CCDC63: variants seen among roughly 807,000 people sequenced by gnomAD.
CCDC63 encodes coiled-coil domain containing 63, also known as coiled-coil domain-containing protein 63.
In CCDC63, 54 loss-of-function variants were observed where a neutral mutation model predicts 63.6. The observed-to-expected ratio is 0.85, with a 90% CI of 0.68 to 1.07. CCDC63 has a LOEUF of 1.07. CCDC63 is among the 50% of genes least tolerant of loss of function. CCDC63 has a pLI of 0.00. For synonymous variants in CCDC63, 253 were observed against 266.1 expected (o/e 0.95, Z 0.48); for missense variants, 637 against 689.6 (o/e 0.92, Z 0.86).
In CCDC63 at chr12:110,895,579, C is replaced by T. The variant is rs559713860; in HGVS notation, c.1149+2429C>T. On this transcript the variant is annotated intron_variant, in intron 9 of 11. Transcript: ENST00000308208. ...GGGAGGGTTTTGCATAGGAATTAAGCAACCAAGCTCTGGGAGCCTGGCTAT... is the reference window on the plus strand; with the variant it reads ...GGGAGGGTTTTGCATAGGAATTAAGTAACCAAGCTCTGGGAGCCTGGCTAT... Among the ~76,000 whole-genome samples, 46 of 152,318 alleles carry T rather than the reference C, an allele frequency of 3.0e-4. No homozygotes were observed. The South Asian group carries it at 8.5e-3, about 28-fold the overall frequency.
chr12:110,857,791 C>A (rs1349691493), intron 3 of CCDC63, among the ~76,000 whole-genome samples: 1 of 152,142 alleles, frequency 6.6e-6, no homozygotes, highest in African/African-American at 2.4e-5. Context: ...TATTATGCAT[C>A]CCTGTGTTGA....
At chr12:110,866,000 CAG>C (rs2070942236) in intron 4 of CCDC63, among the ~76,000 whole-genome samples, 1 of 152,096 alleles carries the variant, frequency 6.6e-6, no homozygotes, top group East Asian at 1.9e-4. Flanking sequence ...ATATGTGAGA[CAG>C]AGTCTCCCTC....
rs760711708 is a variant in CCDC63 at position 110,858,699 on chromosome 12, T to A, written c.293T>A (p.Leu98His). ...RSEKNYMELR[L>H]LLQTKEDYEA... ...GAGAAGAACTACATGGAGCTGCGAC[T>A]CCTGCTCCAAACTAAGGAGGACTAT... The change falls in exon 4 of 12, where the codon CTC becomes CAC. Residue 98 changes from leucine to histidine, a missense_variant. Leu to His is a moderately conservative substitution (Grantham distance 99). Coordinates refer to ENST00000308208, the MANE Select transcript of CCDC63 (RefSeq NM_152591.3). 6.2e-7 allele frequency: 1 copy of A among 1,614,014 alleles called. No individual in the cohort carries two copies. Among genetic ancestry groups the A allele is most frequent in the Non-Finnish European group, 8.5e-7 (1 of 1,179,918 alleles).
chr12:110,865,371 T>C (rs1181763704), intron 4 of CCDC63, among the ~76,000 whole-genome samples: 1 of 149,038 alleles, frequency 6.7e-6, no homozygotes, highest in African/African-American at 2.5e-5. Flanking sequence ...CAGGATGGAT[T>C]AAGCCTGGTG....
intron 8 of CCDC63, among the ~76,000 whole-genome samples, chr12:110,887,468 G>A (rs1478912920): frequency 6.6e-6 from 1 of 151,668 alleles, no homozygotes; most frequent in Admixed American, 6.6e-5. Context: ...AAATGTTTTT[G>A]TTTAATCCCA....
chr12:110,849,124 G>T (rs1462005019), intron 1 of CCDC63, among the ~76,000 whole-genome samples: 1 of 152,166 alleles, frequency 6.6e-6, no homozygotes, highest in African/African-American at 2.4e-5. Flanking sequence ...AAATCCAGAG[G>T]TTCCTACATT....
intron 4 of CCDC63, among the ~76,000 whole-genome samples, chr12:110,869,920 T>C (rs2071041622): frequency 6.6e-6 from 1 of 152,220 alleles, no homozygotes; most frequent in South Asian, 2.1e-4. Context: ...GCTTTTTATT[T>C]TGGCATACTT....
Position 110,883,700 on chromosome 12 carries a change from C to T in CCDC63, c.854-330C>T, listed in dbSNP as rs551658038. Among the ~76,000 whole-genome samples the T allele has an allele frequency of 5.9e-5, 9 of 151,964 alleles. No individual in the cohort carries two copies. In the South Asian group the frequency reaches 1.0e-3, roughly 18 times the overall value. ...CATCGCCCAGGCTGGAGTGCAGTGG[C>T]GCAAACTTGGCTCACTGCAACCTCT... is the stretch of plus-strand genomic sequence containing the variant. On this transcript the variant is annotated intron_variant, in intron 7 of 11. Transcript: ENST00000308208.
chr12:110,852,436 A>AT (rs2070715910), intron 1 of CCDC63, among the ~76,000 whole-genome samples: 1 of 151,864 alleles, frequency 6.6e-6, no homozygotes, highest in Admixed American at 6.6e-5. Flanking sequence ...ATTTTTTTGT[A>AT]TTTTTTGTAG....
chr12:110,866,897 G>A (rs2070958591), intron 4 of CCDC63, among the ~76,000 whole-genome samples: 1 of 149,410 alleles, frequency 6.7e-6, no homozygotes. Flanking sequence ...AGGGGCGGCC[G>A]GGCAGAGGCG....
intron 9 of CCDC63, among the ~76,000 whole-genome samples, chr12:110,898,567 G>A (rs1275970006): frequency 1.3e-5 from 2 of 149,276 alleles, no homozygotes. Context: ...GCAGTGAGCT[G>A]AGATCATGCC....
In CCDC63 at chr12:110,853,562, T is replaced by C; in HGVS notation, c.167T>C (p.Ile56Thr). ...TTTAAGTTCCGAAACCAGCAGAAGATTGCGAGTCAGTAGTAAGTGATGGTT... is the reference window on the plus strand; with the variant it reads ...TTTAAGTTCCGAAACCAGCAGAAGACTGCGAGTCAGTAGTAAGTGATGGTT... The part of the protein sequence containing the change: ...KSFKFRNQQK[I>T]ASQYKEIKTL... The change falls in exon 3 of 12, where the codon ATT becomes ACT. Residue 56 changes from isoleucine to threonine, a missense_variant. By Grantham distance (89) the Ile-to-Thr change is moderately conservative (BLOSUM62 -1). Coordinates refer to ENST00000308208, the MANE Select transcript of CCDC63 (RefSeq NM_152591.3). The C allele has an allele frequency of 6.2e-7, 1 of 1,614,180 alleles. No individual in the cohort carries two copies. Among genetic ancestry groups the C allele is most frequent in the Non-Finnish European group, 8.5e-7 (1 of 1,180,018 alleles).
At chr12:110,866,309 C>CTTTTTTTTT (rs67350855) in intron 4 of CCDC63, among the ~76,000 whole-genome samples, 10 of 137,038 alleles carry the variant, frequency 7.3e-5, no homozygotes, top group Admixed American at 5.2e-4. Context: ...TTAAGCCACT[C>CTTTTTTTTT]TTTTTTTTTT....
chr12:110,881,456 A>G (rs893922903), intron 7 of CCDC63, among the ~76,000 whole-genome samples, 160 bp downstream of exon 7: 12 of 152,204 alleles, frequency 7.9e-5, no homozygotes, highest in African/African-American at 2.9e-4. Context: ...ATGGTGGCTC[A>G]CGCCTGTAAT....
intron 8 of CCDC63, among the ~76,000 whole-genome samples, chr12:110,888,146 C>G (rs2071308782): frequency 6.6e-6 from 1 of 152,090 alleles, no homozygotes; most frequent in East Asian, 1.9e-4. Context: ...CAGAGCTTAG[C>G]GGGCCTTTGA....
intron 8 of CCDC63, among the ~76,000 whole-genome samples, chr12:110,885,282 G>A (rs145028084): frequency 1.3e-5 from 2 of 152,080 alleles, no homozygotes; most frequent in East Asian, 1.9e-4. Context: ...CAACAGTTTC[G>A]AGGAGTGAGA....
intron 8 of CCDC63, among the ~76,000 whole-genome samples, chr12:110,891,653 A>AAAG (rs1183182444): frequency 7.0e-6 from 1 of 143,610 alleles, no homozygotes; most frequent in African/African-American, 2.6e-5. Flanking sequence ...AAAAAAAAAA[A>AAAG]AAGAAGAAGA....
chr12:110,890,550 A>G (rs1016592607), intron 8 of CCDC63, among the ~76,000 whole-genome samples: 1 of 152,158 alleles, frequency 6.6e-6, no homozygotes, highest in African/African-American at 2.4e-5. Context: ...TCACCAAGAT[A>G]TCATGACCTG....
At chr12:110,860,003 C>T (rs1316515559) in intron 4 of CCDC63, among the ~76,000 whole-genome samples, 2 of 152,190 alleles carry the variant, frequency 1.3e-5, no homozygotes, top group African/African-American at 2.4e-5. Flanking sequence ...GGTTATACCT[C>T]CCTGTGTCAG....
Sources: allele counts gnomAD v4.1 joint callset (sites outside exome capture counted in the v4.1 genomes callset), GRCh38; gene constraint gnomAD v4.1.1; transcripts MANE v1.5; gene names NCBI Gene and HGNC (gene_info 2026-07-23, HGNC 2026-07-21).